The following CBFA2T2 variants were observed in gnomAD, a reference collection of about 807,000 sequenced individuals.
CBFA2T2 encodes protein CBFA2T2.
A neutral mutation model predicts 62.2 loss-of-function variants in CBFA2T2; 11 were observed. That is an observed-to-expected ratio of 0.18 (90% CI 0.11 to 0.29). The LOEUF is 0.29. Among genes scored for constraint, CBFA2T2 ranks in the 10% least tolerant of loss-of-function variants. The pLI is 1.00. For synonymous variants in CBFA2T2, 295 were observed against 287.5 expected (o/e 1.03, Z -0.27); for missense variants, 592 against 774.1 (o/e 0.76, Z 2.79).
rs565831244 is a variant in CBFA2T2 at position 33,644,469 on chromosome 20, C to T, written c.1611C>T (p.Asn537=). 5 of 1,614,236 alleles carry T rather than the reference C, an allele frequency of 3.1e-6. No homozygotes were observed. The Admixed American group carries it at 8.3e-5, about 27-fold the overall frequency. The part of the protein sequence containing the change: ...WERHHRLCGQ[N]LHGQSPHGQG... ...GGCACCACCGCCTCTGTGGTCAGAA[C>T]CTGCATGGCCAGAGCCCCCACGGCC... Residue 537 remains asparagine, a synonymous_variant, in exon 11 of 11, where the codon AAC becomes AAT. Coordinates refer to ENST00000342704, the MANE Select transcript of CBFA2T2 (RefSeq NM_001032999.3).
At chr20:33,589,338 A>G (rs557194467) in intron 1 of CBFA2T2, among the ~76,000 whole-genome samples, 6 of 152,192 alleles carry the variant, frequency 3.9e-5, no homozygotes, top group South Asian at 4.1e-4. Context: ...CTTACCCCCA[A>G]TGCATTGTAA....
At chr20:33,506,410 GA>G in intron 1 of CBFA2T2, among the ~76,000 whole-genome samples, 1 of 151,856 alleles carries the variant, frequency 6.6e-6, no homozygotes. Context: ...TAAATACATT[GA>G]AAAAAATTAA....
intron 10 of CBFA2T2, among the ~76,000 whole-genome samples, chr20:33,641,654 G>A (rs973568072): frequency 6.6e-6 from 1 of 152,096 alleles, no homozygotes; most frequent in Non-Finnish European, 1.5e-5. Flanking sequence ...TGCGGTCTCG[G>A]CTCACCGCAA....
chr20:33,641,543 T>A (rs571600472), intron 10 of CBFA2T2, among the ~76,000 whole-genome samples: 1 of 152,350 alleles, frequency 6.6e-6, no homozygotes, highest in Non-Finnish European at 1.5e-5. Flanking sequence ...TTTCTTTCTG[T>A]AAGTAGGTAG....
intron 8 of CBFA2T2, among the ~76,000 whole-genome samples, chr20:33,630,657 A>G (rs1054300873): frequency 2.6e-5 from 4 of 152,244 alleles, no homozygotes; most frequent in African/African-American, 7.2e-5. Flanking sequence ...ACATTCACCC[A>G]GTAACTGAGA....
chr20:33,494,546 G>A (rs955506894), intron 1 of CBFA2T2, among the ~76,000 whole-genome samples: 9 of 151,550 alleles, frequency 5.9e-5, no homozygotes, highest in African/African-American at 2.2e-4. Flanking sequence ...CTCCCAAAGT[G>A]CTGGGATTAC....
chr20:33,611,103 G>A lies in CBFA2T2; in HGVS notation c.188G>A (p.Gly63Asp). Residue 63 changes from glycine to aspartate, a missense_variant, in exon 3 of 11, where the codon GGC (glycine) becomes GAC (aspartate). Gly to Asp is a moderately conservative substitution (Grantham distance 94). Around this residue, in one of 3 missense-constraint regions of CBFA2T2, gnomAD observed 449 missense variants for 551.2 expected, o/e 0.81. Transcript: ENST00000342704. Reference protein sequence around the residue: ...VSFTPTALSNGINHSPPTLNG... With the variant: ...VSFTPTALSNDINHSPPTLNG... Reference sequence around the variant, plus strand: ...TTTGGCTTTCTTTTAGTAAGCAATGGCATCAACCATTCTCCTCCTACCCTG... The same window carrying A: ...TTTGGCTTTCTTTTAGTAAGCAATGACATCAACCATTCTCCTCCTACCCTG... 1 of 1,614,072 alleles carries A rather than the reference G, an allele frequency of 6.2e-7. No individual in the cohort carries two copies. Among genetic ancestry groups the A allele is most frequent in the Non-Finnish European group, 8.5e-7 (1 of 1,179,994 alleles).
rs534584287 is a variant in CBFA2T2 at position 33,543,824 on chromosome 20, TA to T, written c.34+53526del. Among the ~76,000 whole-genome samples, 611 of 152,232 alleles carry T rather than the reference TA, an allele frequency of 4.0e-3. 4 individuals carry two copies. The highest frequency in any genetic ancestry group is 0.013 in the African/African-American group (550 of 41,522). On this transcript the variant is annotated intron_variant, in intron 1 of 10. Transcript: ENST00000342704. ...CAAAGCACTGATAACTAAATTAAATTAAATTAATTAATTAATTTATTTATTT... is the reference window on the plus strand; with the variant it reads ...CAAAGCACTGATAACTAAATTAAATTAATTAATTAATTAATTTATTTATTT...
chr20:33,583,950 GTTTATTTA>G (rs751673240), intron 1 of CBFA2T2, among the ~76,000 whole-genome samples: 4 of 151,552 alleles, frequency 2.6e-5, no homozygotes, highest in Admixed American at 2.0e-4. Flanking sequence ...TTGTTTGTTT[GTTTATTTA>G]TTTATTTGAG....
chr20:33,632,802 CT>C (rs768976557), intron 8 of CBFA2T2, among the ~76,000 whole-genome samples: 2 of 151,934 alleles, frequency 1.3e-5, no homozygotes, highest in Non-Finnish European at 2.9e-5. Context: ...GGAGTCTTGT[CT>C]GTCACCCAGG....
chr20:33,519,063 T>C (rs1449859873), intron 1 of CBFA2T2, among the ~76,000 whole-genome samples: 2 of 152,056 alleles, frequency 1.3e-5, no homozygotes, highest in Admixed American at 1.3e-4. Flanking sequence ...TAAATGTAGG[T>C]TTCTATTAAA....
At chr20:33,494,967 A>G (rs1053714555) in intron 1 of CBFA2T2, among the ~76,000 whole-genome samples, 4 of 152,254 alleles carry the variant, frequency 2.6e-5, no homozygotes, top group Non-Finnish European at 5.9e-5. Flanking sequence ...TGGAAGTAGC[A>G]GTTCCAACGT....
At chr20:33,609,239 A>G (rs1250363565) in intron 2 of CBFA2T2, among the ~76,000 whole-genome samples, 2 of 152,204 alleles carry the variant, frequency 1.3e-5, no homozygotes, top group African/African-American at 4.8e-5. Context: ...AGTGGCTCAC[A>G]CCTATAATCC....
At chr20:33,502,323 T>G (rs1201174843) in intron 1 of CBFA2T2, among the ~76,000 whole-genome samples, 1 of 152,228 alleles carries the variant, frequency 6.6e-6, no homozygotes, top group Non-Finnish European at 1.5e-5. Context: ...TGTGTCATTT[T>G]GACACATTCC....
chr20:33,634,097 T>C (rs950277928), intron 8 of CBFA2T2, among the ~76,000 whole-genome samples: 7 of 152,146 alleles, frequency 4.6e-5, no homozygotes, highest in Non-Finnish European at 8.8e-5. Flanking sequence ...GCCTCCCAAG[T>C]AGCTGGAATT....
At chr20:33,595,742 G>A (rs928697076) in intron 1 of CBFA2T2, among the ~76,000 whole-genome samples, 1 of 151,794 alleles carries the variant, frequency 6.6e-6, no homozygotes, top group East Asian at 1.9e-4. Context: ...GTTTTGCCAT[G>A]TTGGCCAGGC....
rs1375557022 is a variant in CBFA2T2 at position 33,606,953 on chromosome 20, C to T, written c.35-3C>T. The T allele has an allele frequency of 8.1e-6, 13 of 1,612,678 alleles. No individual in the cohort carries two copies. The highest frequency in any genetic ancestry group is 1.3e-5 in the African/African-American group (1 of 74,878). ...TAACCTCCATTTCTCTGATTCTCTG[C>T]AGTTGGTCCTGAGAAAAGGGTGCCA... is the stretch of plus-strand genomic sequence containing the variant. On this transcript the variant is annotated splice_region_variant and splice_polypyrimidine_tract_variant and intron_variant, in intron 1 of 10. Coordinates refer to ENST00000342704, the MANE Select transcript of CBFA2T2 (RefSeq NM_001032999.3).
At chr20:33,597,999 C>T (rs944706559) in intron 1 of CBFA2T2, among the ~76,000 whole-genome samples, 1 of 152,060 alleles carries the variant, frequency 6.6e-6, no homozygotes, top group East Asian at 1.9e-4. Flanking sequence ...CCCCACAAGC[C>T]GCAAAAACCA....
At position 33,570,224 on chromosome 20, in the gene CBFA2T2, GGAGCC is replaced by G. The variant is rs1428032167; in HGVS notation, c.35-36728_35-36724del. Among the ~76,000 whole-genome samples, 3 of 152,098 alleles carry G rather than the reference GGAGCC, an allele frequency of 2.0e-5. No individual in the cohort carries two copies. The East Asian group carries it at 5.8e-4, about 29-fold the overall frequency. The stretch of plus-strand genomic sequence containing the variant: ...TGAACCCAGGAGGCAGAGTTTGCAG[GGAGCC>G]GAGATCATGCCACTGCACTCCAGCC... On this transcript the variant is annotated intron_variant, in intron 1 of 10. Coordinates refer to ENST00000342704, the MANE Select transcript of CBFA2T2 (RefSeq NM_001032999.3).
Sources: allele counts gnomAD v4.1 joint callset (sites outside exome capture counted in the v4.1 genomes callset), GRCh38; gene constraint gnomAD v4.1.1; regional missense constraint gnomAD v4.1.1; transcripts MANE v1.5; gene names NCBI Gene and HGNC (gene_info 2026-07-23, HGNC 2026-07-21).